Variants in AADAT observed in about 807,000 individuals in gnomAD.
The protein encoded by AADAT is aminoadipate aminotransferase, also known as kynurenine/alpha-aminoadipate aminotransferase, mitochondrial.
AADAT carries 25 observed loss-of-function variants against 56.2 expected under a neutral mutation model. The observed-to-expected ratio is 0.44, with a 90% confidence interval of 0.32 to 0.62. AADAT has a LOEUF of 0.62. Among genes scored for constraint, AADAT ranks in the 20% least tolerant of loss-of-function variants. AADAT has a pLI of 0.04. For synonymous variants in AADAT, 173 were observed against 164.7 expected (o/e 1.05, Z -0.39); for missense variants, 387 against 510.5 (o/e 0.76, Z 2.33).
intron 4 of AADAT, among the ~76,000 whole-genome samples, chr4:170,076,758 T>G (rs1732056270): frequency 6.6e-6 from 1 of 152,212 alleles, no homozygotes; most frequent in African/African-American, 2.4e-5. Flanking sequence ...TTGTCGTTGC[T>G]CATATTTTTG....
intron 6 of AADAT, among the ~76,000 whole-genome samples, chr4:170,069,927 C>T (rs769896126): frequency 7.9e-5 from 12 of 151,980 alleles, no homozygotes; most frequent in Non-Finnish European, 1.8e-4. Context: ...AAGAATCAGG[C>T]GTTGGTCTTA....
At chr4:170,066,219 T>A (rs1032943192) in intron 10 of AADAT, among the ~76,000 whole-genome samples, 195 bp downstream of exon 10, 7 of 151,960 alleles carry the variant, frequency 4.6e-5, no homozygotes, top group African/African-American at 1.5e-4. Context: ...AGCAGACAGG[T>A]AAAGTGGATA....
intron 3 of AADAT, among the ~76,000 whole-genome samples, chr4:170,086,786 AT>A (rs1183299942): frequency 6.6e-6 from 1 of 152,194 alleles, no homozygotes; most frequent in Non-Finnish European, 1.5e-5. Flanking sequence ...AGGCTAGTGA[AT>A]GATGTTAAGA....
chr4:170,063,073 G>A (rs1731270106), intron 11 of AADAT, among the ~76,000 whole-genome samples: 1 of 152,226 alleles, frequency 6.6e-6, no homozygotes, highest in Admixed American at 6.5e-5. Context: ...TAAGACAAGA[G>A]GAGTTGGGAG....
chr4:170,088,527 G>A lies in AADAT; in HGVS notation c.105C>T (p.Ser35=), dbSNP rs1732674946. ...TTGGATTTGGTAAGCCACCAGCCAA[G>A]GAGATCATCGATTTTGGTCCTCTGC... ...ILSRGPKSMI[S]LAGGLPNPNM... The change falls in exon 2 of 13, where the codon TCC becomes TCT. Residue 35 remains serine, a synonymous_variant. Coordinates refer to ENST00000337664, the MANE Select transcript of AADAT (RefSeq NM_016228.4). The A allele has an allele frequency of 1.9e-6, 3 of 1,613,290 alleles. No homozygotes were observed. Among genetic ancestry groups the A allele is most frequent in the Non-Finnish European group, 1.7e-6 (2 of 1,179,312 alleles).
intron 11 of AADAT, among the ~76,000 whole-genome samples, chr4:170,064,341 TGA>T (rs1731341722): frequency 6.6e-6 from 1 of 152,136 alleles, no homozygotes; most frequent in African/African-American, 2.4e-5. Context: ...AGCAACCCTA[TGA>T]GAGAGGGATT....
At chr4:170,090,939 C>G (rs575324383), upstream of AADAT, among the ~76,000 whole-genome samples, 1 of 152,182 alleles carries the variant, frequency 6.6e-6, no homozygotes, top group African/African-American at 2.4e-5. Flanking sequence ...TTAAGTTTAC[C>G]TAATAGGTTG....
intron 2 of AADAT, 32 bp downstream of exon 2, chr4:170,088,364 C>T: frequency 6.5e-7 from 1 of 1,533,532 alleles, no homozygotes; most frequent in Non-Finnish European, 8.9e-7. Context: ...TGAAAATAAG[C>T]CAATAAAATT....
intron 3 of AADAT, 34 bp from the exon 4 acceptor site, chr4:170,078,617 A>C: frequency 6.8e-7 from 1 of 1,477,602 alleles, no homozygotes; most frequent in East Asian, 2.3e-5. Flanking sequence ...CTTGTTAGTC[A>C]GCATAGGTTA....
At chr4:170,071,891 C>T (rs1211547858) in intron 5 of AADAT, among the ~76,000 whole-genome samples, 2 of 152,074 alleles carry the variant, frequency 1.3e-5, no homozygotes, top group Non-Finnish European at 2.9e-5. Context: ...GGTAACCATT[C>T]ATAGTTGCAC....
intron 4 of AADAT, among the ~76,000 whole-genome samples, chr4:170,074,539 AACAGT>A (rs1731944511): frequency 6.6e-6 from 1 of 152,142 alleles, no homozygotes; most frequent in Admixed American, 6.5e-5. Flanking sequence ...TCATATATAA[AACAGT>A]CACAAGCAGA....
At chr4:170,072,261 GTA>G (rs200827185) in intron 5 of AADAT, among the ~76,000 whole-genome samples, 9,466 of 150,676 alleles carry the variant, frequency 0.063, 390 homozygotes, top group Non-Finnish European at 0.092. Flanking sequence ...ATAGATACAT[GTA>G]TATATATGTG....
At chr4:170,080,381 G>A (rs1732238116) in intron 3 of AADAT, among the ~76,000 whole-genome samples, 1 of 152,070 alleles carries the variant, frequency 6.6e-6, no homozygotes, top group African/African-American at 2.4e-5. Context: ...GTGAGATTGA[G>A]GTGGCCAAGA....
At chr4:170,091,057 G>C (rs1400321616), upstream of AADAT, among the ~76,000 whole-genome samples, 3 of 152,246 alleles carry the variant, frequency 2.0e-5, no homozygotes, top group Admixed American at 2.0e-4. Context: ...ATTGAGAGGT[G>C]ACAGCCTGCT....
intron 4 of AADAT, among the ~76,000 whole-genome samples, chr4:170,075,589 G>A (rs533972335): frequency 6.6e-5 from 10 of 152,222 alleles, no homozygotes; most frequent in Non-Finnish European, 1.3e-4. Flanking sequence ...GATTACAGGC[G>A]TGAGCCACCT....
chr4:170,060,930 A>C lies in AADAT; in HGVS notation c.1276T>G (p.Ter426GlyextTer3). 3 of 1,543,352 alleles carry C rather than the reference A, an allele frequency of 1.9e-6. No homozygotes were observed. The highest frequency in any genetic ancestry group is 2.6e-6 in the Non-Finnish European group (3 of 1,144,294). Residue 426 changes from the stop codon to glycine (G), a stop_lost, in exon 13 of 13, where the codon TGA becomes GGA. Transcript: ENST00000337664. ...ATGCCCAACCTAGTTTAATTTCTTC[A>C]TAAAGATTCTTTTATAAGTTGTGCT... Reference protein sequence around the residue: ...VLAQLIKESL* With the variant: ...VLAQLIKESLG
At chr4:170,087,530 G>A (rs1192359941) in intron 2 of AADAT, among the ~76,000 whole-genome samples, 2 of 152,126 alleles carry the variant, frequency 1.3e-5, no homozygotes, top group Non-Finnish European at 2.9e-5. Context: ...CAAACCTGAA[G>A]TCTTTAGCGC....
intron 8 of AADAT, 33 bp downstream of exon 8, chr4:170,068,558 A>C (rs1276268860): frequency 8.3e-7 from 1 of 1,210,868 alleles, no homozygotes; most frequent in Non-Finnish European, 1.1e-6. Flanking sequence ...ATCTGATTAC[A>C]AAAAAAAAAT....
chr4:170,092,536 C>G (rs184178864), upstream of AADAT, among the ~76,000 whole-genome samples: 2 of 152,198 alleles, frequency 1.3e-5, no homozygotes, highest in African/African-American at 4.8e-5. Flanking sequence ...TCTGCGGCTT[C>G]GTTCTTGATG....
Sources: allele counts gnomAD v4.1 joint callset (sites outside exome capture counted in the v4.1 genomes callset), GRCh38; gene constraint gnomAD v4.1.1; transcripts MANE v1.5; gene names NCBI Gene and HGNC (gene_info 2026-07-23, HGNC 2026-07-21).